FOXN3: variants seen among roughly 807,000 people sequenced by gnomAD.
FOXN3 encodes the protein forkhead box protein N3.
FOXN3 carries 7 observed loss-of-function variants against 38.4 expected under a neutral mutation model. The ratio of observed to expected loss-of-function variants is 0.18; its 90% confidence interval spans 0.10 to 0.34. The LOEUF (loss-of-function observed/expected upper bound fraction) is 0.34. Ranked by LOEUF, FOXN3 falls within the 10% of genes least tolerant of loss-of-function variation. The probability of loss-of-function intolerance (pLI) is 1.00; values close to 1 mark genes in which losing one functional copy is unlikely to be tolerated. For missense variants in FOXN3, 456 were observed against 613.4 expected (o/e 0.74, Z 2.71); for synonymous variants, 230 against 242.2 (o/e 0.95, Z 0.47).
chr14:89,390,022 C>T (rs1251890300), intron 2 of FOXN3, among the ~76,000 whole-genome samples: 1 of 151,954 alleles, frequency 6.6e-6, no homozygotes, highest in Non-Finnish European at 1.5e-5. Flanking sequence ...GAGTTCGAGA[C>T]CAGCCTGGGC....
intron 3 of FOXN3, among the ~76,000 whole-genome samples, chr14:89,345,651 A>C (rs1034254843): frequency 6.6e-6 from 1 of 150,876 alleles, no homozygotes; most frequent in African/African-American, 2.4e-5. Flanking sequence ...CCGAGTCCCC[A>C]AAGTCCATTA....
intron 3 of FOXN3, among the ~76,000 whole-genome samples, chr14:89,309,740 G>A (rs547060983): frequency 6.6e-6 from 1 of 152,304 alleles, no homozygotes; most frequent in East Asian, 1.9e-4. Context: ...GTTTAATGCT[G>A]AAATGGCAGG....
rs1054495695 is a variant in FOXN3, at chr14:89,197,363, C to T, written c.746-16557G>A. 1.5e-4 allele frequency among the ~76,000 whole-genome samples: 23 copies of T among 151,970 alleles called. No individual in the cohort carries two copies. In the East Asian group the frequency reaches 1.7e-3, roughly 11 times the overall value. On this transcript the variant is annotated intron_variant, in intron 4 of 5. Transcript: ENST00000557258. ...CTCTACTAAAAATACAAAGATTAGC[C>T]GGATGTGGTGGTGCACACCTGTAGT...
intron 2 of FOXN3, among the ~76,000 whole-genome samples, chr14:89,360,886 C>T (rs1889537433): frequency 1.5e-5 from 1 of 65,906 alleles, no homozygotes; most frequent in South Asian, 7.1e-4. Flanking sequence ...TCCACCACCA[C>T]CTCCACCACC....
At chr14:89,231,849 G>A (rs1267781294) in intron 4 of FOXN3, among the ~76,000 whole-genome samples, 4 of 152,108 alleles carry the variant, frequency 2.6e-5, no homozygotes, top group African/African-American at 4.8e-5. Context: ...GGGAACACAC[G>A]GGTAATTAAT....
At chr14:89,246,988 C>A (rs1188614528) in intron 4 of FOXN3, among the ~76,000 whole-genome samples, 1 of 152,042 alleles carries the variant, frequency 6.6e-6, no homozygotes, top group East Asian at 1.9e-4. Flanking sequence ...AGAGACTTCC[C>A]TTCCTCCCTT....
chr14:89,323,871 C>G lies in FOXN3; in HGVS notation c.680+26801G>C, dbSNP rs147533385. ...TGGTGGTGAAGTGTAGATACTGGAA[C>G]CATGCTGCTGGGTCCAAGTTTTGGC... On this transcript the variant is annotated intron_variant, in intron 3 of 5. Transcript: ENST00000557258. 1.3e-3 allele frequency among the ~76,000 whole-genome samples: 201 copies of G among 152,108 alleles called. 1 individual carries two copies. Among genetic ancestry groups the G allele is most frequent in the African/African-American group, 4.4e-3 (183 of 41,500 alleles).
At chr14:89,552,209 G>A (rs924453396) in intron 1 of FOXN3, among the ~76,000 whole-genome samples, 9 of 152,166 alleles carry the variant, frequency 5.9e-5, no homozygotes, top group African/African-American at 1.4e-4. Flanking sequence ...AAATCACTCC[G>A]AATTGTGTGT....
rs1180432101 is a variant in FOXN3, at chr14:89,159,261, A to G, written c.*3153T>C. ...TTTTGTTTTTGTTCTCAACAATCAA[A>G]ATACAAAGTTAAACACAATTGAGCC... On this transcript the variant is annotated 3_prime_UTR_variant, in exon 6 of 6. Coordinates refer to ENST00000557258, the MANE Select transcript of FOXN3 (RefSeq NM_005197.4). 2 of 152,656 alleles carry G rather than the reference A, an allele frequency of 1.3e-5. No homozygotes were observed. The highest frequency in any genetic ancestry group is 2.9e-5 in the Non-Finnish European group (2 of 68,048). 9.5% of individuals were successfully genotyped at this position (152,656 alleles called of 1,614,324 possible). A position where few individuals can be genotyped will look rare whatever the true frequency, so the allele number is the denominator to read the frequency against.
At chr14:89,569,127 C>G (rs779263708) in intron 1 of FOXN3, among the ~76,000 whole-genome samples, 12 of 152,268 alleles carry the variant, frequency 7.9e-5, no homozygotes, top group Middle Eastern at 3.4e-3. Context: ...ATGGCGTGAA[C>G]CTGGGAGGTG....
upstream of FOXN3, chr14:89,417,916 G>C: frequency 2.9e-6 from 1 of 345,770 alleles, no homozygotes; most frequent in South Asian, 2.1e-5. Context: ...CAAGTGGGTT[G>C]TGCGGAACGC....
At position 89,324,759 on chromosome 14, in the gene FOXN3, C is replaced by A. The variant is rs80121861; in HGVS notation, c.680+25913G>T. 2.4e-3 allele frequency among the ~76,000 whole-genome samples: 363 copies of A among 152,294 alleles called. 3 individuals are homozygous for A. The highest frequency in any genetic ancestry group is 8.3e-3 in the African/African-American group (344 of 41,544). ...AGAAGGCAAAGAAGACAGCAAGAACCTTCCATCCTTGACCAGCACAACTGC... is the reference window on the plus strand; with the variant it reads ...AGAAGGCAAAGAAGACAGCAAGAACATTCCATCCTTGACCAGCACAACTGC... On this transcript the variant is annotated intron_variant, in intron 3 of 5. Transcript: ENST00000557258.
intron 1 of FOXN3, among the ~76,000 whole-genome samples, chr14:89,438,556 C>T (rs2152978): frequency 0.45 from 68,874 of 151,962 alleles, 16,894 homozygotes; most frequent in Admixed American, 0.61. Context: ...AAATCATTGT[C>T]ATATGAAGAA....
In FOXN3 at chr14:89,504,875, G is replaced by A. The variant is rs1411151664; in HGVS notation, c.-14-92385C>T. Reference sequence around the variant, plus strand: ...AGTTAGTCCTGTCTGGAGACCTGATGCCCAGAGCTCTTGGATCCATTCCCC... The same window carrying A: ...AGTTAGTCCTGTCTGGAGACCTGATACCCAGAGCTCTTGGATCCATTCCCC... On this transcript the variant is annotated intron_variant, in intron 1 of 6. Transcript: ENST00000345097. Among the ~76,000 whole-genome samples, 3 of 152,162 alleles carry A rather than the reference G, an allele frequency of 2.0e-5. No individual in the cohort carries two copies. In the East Asian group the frequency reaches 5.8e-4, roughly 29 times the overall value.
At chr14:89,534,059 G>T (rs571769742) in intron 1 of FOXN3, among the ~76,000 whole-genome samples, 47 of 147,816 alleles carry the variant, frequency 3.2e-4, no homozygotes, top group South Asian at 1.5e-3. Context: ...CTTCCCCCCC[G>T]CCACCCACTA....
chr14:89,541,963 G>C (rs892045436), intron 1 of FOXN3, among the ~76,000 whole-genome samples: 42 of 152,212 alleles, frequency 2.8e-4, no homozygotes, highest in South Asian at 1.0e-3. Context: ...TAAAGGAAAG[G>C]GGTCCCGATC....
chr14:89,237,027 T>C (rs888723869), intron 4 of FOXN3, among the ~76,000 whole-genome samples: 3 of 152,180 alleles, frequency 2.0e-5, no homozygotes, highest in Non-Finnish European at 2.9e-5. Flanking sequence ...TGGACCTAAG[T>C]TTCAGGCCCC....
intron 3 of FOXN3, among the ~76,000 whole-genome samples, chr14:89,309,652 G>A (rs1286445317): frequency 2.6e-5 from 4 of 152,084 alleles, no homozygotes; most frequent in South Asian, 2.1e-4. Flanking sequence ...CTGGGTGTGC[G>A]TTTTAACCCT....
At chr14:89,488,596 G>A (rs1893501541) in intron 1 of FOXN3, among the ~76,000 whole-genome samples, 2 of 149,802 alleles carry the variant, frequency 1.3e-5, no homozygotes, top group South Asian at 2.1e-4. Flanking sequence ...AGGCCACAGT[G>A]AGCCATGATG....
Sources: allele counts gnomAD v4.1 joint callset (sites outside exome capture counted in the v4.1 genomes callset), GRCh38; gene constraint gnomAD v4.1.1; transcripts MANE v1.5; gene names NCBI Gene and HGNC (gene_info 2026-07-23, HGNC 2026-07-21).